Variants in TANC2 observed in about 807,000 individuals in gnomAD.
TANC2 encodes the protein tetratricopeptide repeat, ankyrin repeat and coiled-coil containing 2.
In TANC2, 26 loss-of-function variants were observed where a neutral mutation model predicts 210.5. The ratio of observed to expected loss-of-function variants is 0.12; its 90% CI spans 0.09 to 0.17. The LOEUF (loss-of-function observed/expected upper bound fraction) is 0.17, where lower values mean the gene tolerates loss of function less well. Among genes scored for constraint, TANC2 ranks in the 10% least tolerant of loss-of-function variants. TANC2 has a pLI of 1.00. For missense variants in TANC2, 2,129 were observed against 2,608.9 expected (o/e 0.82, Z 4.01); for synonymous variants, 931 against 967.1 (o/e 0.96, Z 0.69).
chr17:62,986,954 G>A (rs2032598430), intron 1 of TANC2, among the ~76,000 whole-genome samples: 1 of 152,164 alleles, frequency 6.6e-6, no homozygotes, highest in Admixed American at 6.5e-5. Flanking sequence ...GACTGCAGGT[G>A]CATGTCCATT....
chr17:63,169,857 T>C (rs1023695550), intron 5 of TANC2, among the ~76,000 whole-genome samples: 2 of 150,712 alleles, frequency 1.3e-5, no homozygotes, highest in East Asian at 3.9e-4. Flanking sequence ...TTATGGCAGG[T>C]GCGGAGGCTC....
intron 8 of TANC2, among the ~76,000 whole-genome samples, chr17:63,250,279 A>G (rs529984950): frequency 6.9e-6 from 1 of 144,904 alleles, no homozygotes; most frequent in South Asian, 2.2e-4. Context: ...GTTAAATATT[A>G]TAGTATTTAT....
intron 5 of TANC2, among the ~76,000 whole-genome samples, chr17:63,175,776 C>G (rs543993156): frequency 5.9e-5 from 9 of 152,222 alleles, no homozygotes; most frequent in South Asian, 2.1e-4. Flanking sequence ...ATACCTGACA[C>G]CCTTGATCCA....
At chr17:63,029,177 G>T (rs142678617) in intron 2 of TANC2, among the ~76,000 whole-genome samples, 1 of 152,122 alleles carries the variant, frequency 6.6e-6, no homozygotes, top group East Asian at 1.9e-4. Flanking sequence ...CACAGCCTAC[G>T]TTAGCTTGAA....
chr17:63,317,289 A>G (rs1247987791), intron 10 of TANC2, among the ~76,000 whole-genome samples: 2 of 119,666 alleles, frequency 1.7e-5, no homozygotes, highest in Non-Finnish European at 3.6e-5. Flanking sequence ...TCCTTCCCCC[A>G]CAGAAACTCA....
intron 4 of TANC2, among the ~76,000 whole-genome samples, chr17:63,127,368 T>G (rs1347268604): frequency 6.6e-6 from 1 of 152,222 alleles, no homozygotes; most frequent in East Asian, 1.9e-4. Context: ...ACTTTAATTC[T>G]AATTATATAA....
At chr17:63,101,785 C>T (rs1168963562) in intron 4 of TANC2, among the ~76,000 whole-genome samples, 2 of 152,148 alleles carry the variant, frequency 1.3e-5, no homozygotes, top group Non-Finnish European at 2.9e-5. Flanking sequence ...GGTAGAGTTT[C>T]CTTCTATGGA....
rs867460725 is a variant in TANC2 at position 63,169,860 on chromosome 17, G to A, written c.433+18480G>A. Among the ~76,000 whole-genome samples the A allele has an allele frequency of 9.2e-5, 14 of 152,032 alleles. No homozygotes were observed. The East Asian group carries it at 1.4e-3, about 15-fold the overall frequency. ...AATTTTAAAAATTTATGGCAGGTGC[G>A]GAGGCTCACGCCTGTAATCCCAGCA... On this transcript the variant is annotated intron_variant, in intron 5 of 27. Transcript: ENST00000689528.
At chr17:63,069,878 C>A (rs1047695505) in intron 2 of TANC2, among the ~76,000 whole-genome samples, 3 of 152,036 alleles carry the variant, frequency 2.0e-5, no homozygotes, top group African/African-American at 7.2e-5. Flanking sequence ...CTACAGAGGA[C>A]TGTTGTATTC....
chr17:62,974,012 A>G (rs1371005122), intron 1 of TANC2, among the ~76,000 whole-genome samples: 1 of 152,224 alleles, frequency 6.6e-6, no homozygotes, highest in Non-Finnish European at 1.5e-5. Context: ...TGCAAAGCCT[A>G]AATATTTACT....
intron 11 of TANC2, among the ~76,000 whole-genome samples, chr17:63,323,500 A>G (rs1400796487): frequency 2.0e-5 from 3 of 152,202 alleles, no homozygotes; most frequent in Admixed American, 2.0e-4. Flanking sequence ...GATCTCATTC[A>G]GGGCCTTTCC....
At chr17:63,398,760 G>T in intron 18 of TANC2, 61 bp from the exon 19 acceptor site, 1 of 1,161,226 alleles carries the variant, frequency 8.6e-7, no homozygotes, top group Non-Finnish European at 1.3e-6. Context: ...AACCTCACAG[G>T]CTAGTGTCAG....
rs185869457 is a variant in TANC2 at position 63,321,524 on chromosome 17, G to A, written c.1575+2434G>A. Among the ~76,000 whole-genome samples the A allele has an allele frequency of 3.9e-5, 6 of 152,208 alleles. No individual in the cohort carries two copies. The South Asian group carries it at 6.2e-4, about 16-fold the overall frequency. On this transcript the variant is annotated intron_variant, in intron 11 of 27. Transcript: ENST00000689528. ...TGACCATAGAACATTAAGATGATCCGCCCTTTTTTTGAAATGCCCAAAAGT... is the reference window on the plus strand; with the variant it reads ...TGACCATAGAACATTAAGATGATCCACCCTTTTTTTGAAATGCCCAAAAGT...
chr17:63,287,696 T>C (rs1241644161), intron 9 of TANC2, among the ~76,000 whole-genome samples: 3 of 151,860 alleles, frequency 2.0e-5, no homozygotes, highest in Admixed American at 1.3e-4. Flanking sequence ...ATTTTTTTTT[T>C]TTTTGAGGAG....
intron 5 of TANC2, among the ~76,000 whole-genome samples, chr17:63,169,041 A>G (rs2040309535): frequency 6.6e-6 from 1 of 152,202 alleles, no homozygotes; most frequent in Non-Finnish European, 1.5e-5. Context: ...TTGGAAAGGA[A>G]AGAAAGGAGA....
intron 11 of TANC2, among the ~76,000 whole-genome samples, chr17:63,335,423 C>T (rs2045992716): frequency 6.6e-6 from 1 of 151,848 alleles, no homozygotes; most frequent in Admixed American, 6.6e-5. Context: ...CCAGCCTGGC[C>T]AATATAGTGA....
At chr17:63,265,204 C>T (rs753595408) in intron 8 of TANC2, among the ~76,000 whole-genome samples, 4 of 152,134 alleles carry the variant, frequency 2.6e-5, no homozygotes, top group Admixed American at 2.6e-4. Context: ...TGACCTGATG[C>T]TCAAAGGAAA....
intron 2 of TANC2, among the ~76,000 whole-genome samples, chr17:63,036,520 G>T (rs1305005864): frequency 6.6e-6 from 1 of 152,162 alleles, no homozygotes; most frequent in Non-Finnish European, 1.5e-5. Context: ...TAGCTTTAGA[G>T]TAAGTCTTAA....
chr17:62,993,503 A>G (rs984194988), intron 1 of TANC2, among the ~76,000 whole-genome samples: 1 of 152,156 alleles, frequency 6.6e-6, no homozygotes, highest in African/African-American at 2.4e-5. Context: ...TCTTTCAGTG[A>G]TGTTTTATAA....
Sources: allele counts gnomAD v4.1 joint callset (sites outside exome capture counted in the v4.1 genomes callset), GRCh38; gene constraint gnomAD v4.1.1; transcripts MANE v1.5; gene names NCBI Gene and HGNC (gene_info 2026-07-23, HGNC 2026-07-21).